DOCK4: variants seen among roughly 807,000 people sequenced by gnomAD.
DOCK4 encodes dedicator of cytokinesis 4.
A neutral mutation model predicts 268.1 loss-of-function variants in DOCK4; 97 were observed. The ratio of observed to expected loss-of-function variants is 0.36; its 90% CI spans 0.31 to 0.43. The LOEUF (loss-of-function observed/expected upper bound fraction) is 0.43, where lower values mean the gene tolerates loss of function less well. Among genes scored for constraint, DOCK4 ranks in the 20% least tolerant of loss-of-function variants. The probability of loss-of-function intolerance (pLI) is 1.00; values close to 1 mark genes in which losing one functional copy is unlikely to be tolerated. For missense variants in DOCK4, 2,145 were observed against 2,455.7 expected (o/e 0.87, Z 2.67); for synonymous variants, 954 against 887.2 (o/e 1.08, Z -1.34).
At chr7:112,158,385 CA>C (rs1816806138) in intron 1 of DOCK4, among the ~76,000 whole-genome samples, 1 of 152,162 alleles carries the variant, frequency 6.6e-6, no homozygotes, top group South Asian at 2.1e-4. Flanking sequence ...ATAGACACAA[CA>C]GTAAATTTAG....
At chr7:111,796,811 T>C (rs1799926953) in intron 30 of DOCK4, among the ~76,000 whole-genome samples, 1 of 152,080 alleles carries the variant, frequency 6.6e-6, no homozygotes, top group African/African-American at 2.4e-5. Context: ...AAAGGGGGAA[T>C]CATACAAGGT....
At chr7:112,148,924 C>T (rs955621304) in intron 1 of DOCK4, among the ~76,000 whole-genome samples, 10 of 152,152 alleles carry the variant, frequency 6.6e-5, no homozygotes, top group Non-Finnish European at 1.5e-4. Flanking sequence ...TTTGTGGCTA[C>T]GATAATGCGC....
At chr7:111,941,000 C>A (rs1238725454) in intron 10 of DOCK4, among the ~76,000 whole-genome samples, 1 of 152,090 alleles carries the variant, frequency 6.6e-6, no homozygotes, top group Non-Finnish European at 1.5e-5. Context: ...TCTATCTGAG[C>A]AAAATTCTCC....
chr7:111,774,366 T>A (rs1437085774), intron 36 of DOCK4, among the ~76,000 whole-genome samples: 1 of 151,674 alleles, frequency 6.6e-6, no homozygotes, highest in African/African-American at 2.4e-5. Context: ...TGCTCAGGAG[T>A]CTGAGGCAGG....
In DOCK4 at chr7:111,863,397, C is replaced by T. The variant is rs939609236; in HGVS notation, c.2448G>A (p.Val816=). 1 of 1,613,870 alleles carries T rather than the reference C, an allele frequency of 6.2e-7. No homozygotes were observed. Among genetic ancestry groups the T allele is most frequent in the African/African-American group, 1.3e-5 (1 of 74,908 alleles). ...AIKLQCIGKT[V]ESQLYTNPDS... The stretch of plus-strand genomic sequence containing the variant: ...CTGGGTTGGTATAAAGCTGGCTTTC[C>T]ACGGTTTTGCCAATGCACTGCAGTT... Residue 816 remains valine (V), a synonymous_variant, in exon 23 of 53, where the codon GTG becomes GTA. Coordinates refer to ENST00000428084, the MANE Select transcript of DOCK4 (RefSeq NM_001363540.2).
intron 28 of DOCK4, among the ~76,000 whole-genome samples, chr7:111,810,504 G>C (rs1179936068): frequency 6.6e-6 from 1 of 151,784 alleles, no homozygotes; most frequent in African/African-American, 2.4e-5. Context: ...ACAAAAATAT[G>C]AATTTTGATC....
At chr7:112,180,437 GC>G (rs1477473918) in intron 1 of DOCK4, among the ~76,000 whole-genome samples, 1 of 152,190 alleles carries the variant, frequency 6.6e-6, no homozygotes, top group African/African-American at 2.4e-5. Flanking sequence ...GGCAGATCAG[GC>G]TGCAATTCTC....
At chr7:112,159,737 G>A (rs987765014) in intron 1 of DOCK4, among the ~76,000 whole-genome samples, 2 of 148,876 alleles carry the variant, frequency 1.3e-5, no homozygotes, top group African/African-American at 2.6e-5. Flanking sequence ...ACAATTTGGG[G>A]TAACTGCATA....
chr7:112,053,925 C>T (rs886269998), intron 1 of DOCK4, among the ~76,000 whole-genome samples: 1 of 152,162 alleles, frequency 6.6e-6, no homozygotes, highest in African/African-American at 2.4e-5. Context: ...CAACAAATGT[C>T]CAGGAGGTCT....
intron 15 of DOCK4, among the ~76,000 whole-genome samples, chr7:111,898,191 C>G (rs940821118): frequency 4.6e-5 from 7 of 152,202 alleles, no homozygotes; most frequent in African/African-American, 1.7e-4. Flanking sequence ...AGATCTGGCA[C>G]CTCTGCTACC....
At chr7:111,963,399 C>T (rs963552323) in intron 8 of DOCK4, among the ~76,000 whole-genome samples, 11 of 126,568 alleles carry the variant, frequency 8.7e-5, no homozygotes, top group South Asian at 2.6e-4. Context: ...ACCTGGGAAG[C>T]GCAAGGGGTC....
intron 36 of DOCK4, among the ~76,000 whole-genome samples, chr7:111,770,061 G>A (rs764922059): frequency 5.3e-5 from 8 of 151,928 alleles, no homozygotes; most frequent in Non-Finnish European, 1.0e-4. Flanking sequence ...TAAGTTCCTT[G>A]GGGACTATGA....
chr7:111,739,491 G>T lies in DOCK4; in HGVS notation c.5041-14C>A, dbSNP rs1234024892. On this transcript the variant is annotated splice_polypyrimidine_tract_variant and intron_variant, in intron 47 of 52. Coordinates refer to ENST00000428084, the MANE Select transcript of DOCK4 (RefSeq NM_001363540.2). ...AGATGGACTTGGCTGGAAACACACA[G>T]GGAGCTATTATCATACCCTGATTAA... is the stretch of plus-strand genomic sequence containing the variant. 3.9e-6 allele frequency: 6 copies of T among 1,556,866 alleles called. No homozygotes were observed. Among genetic ancestry groups the T allele is most frequent in the East Asian group, 2.4e-5 (1 of 41,546 alleles).
At chr7:112,145,958 G>A (rs10266737) in intron 1 of DOCK4, among the ~76,000 whole-genome samples, 40,460 of 152,060 alleles carry the variant, frequency 0.27, 5,814 homozygotes, top group East Asian at 0.48. Context: ...GTGCTTATAT[G>A]TTTGTTTGTG....
chr7:111,868,432 C>T (rs990817305), intron 21 of DOCK4, among the ~76,000 whole-genome samples: 8 of 152,024 alleles, frequency 5.3e-5, no homozygotes, highest in Non-Finnish European at 1.2e-4. Flanking sequence ...ACACTTTAGC[C>T]GGGCACGGTG....
intron 8 of DOCK4, among the ~76,000 whole-genome samples, chr7:111,974,609 G>A (rs1420491040): frequency 6.7e-6 from 1 of 149,466 alleles, no homozygotes; most frequent in Non-Finnish European, 1.5e-5. Flanking sequence ...TGACAAAAGG[G>A]GAGGGTGAAG....
intron 26 of DOCK4, among the ~76,000 whole-genome samples, chr7:111,828,460 A>G (rs913153539): frequency 6.6e-6 from 1 of 152,210 alleles, no homozygotes; most frequent in Non-Finnish European, 1.5e-5. Context: ...ATTCATTTTG[A>G]TTTATAGAAC....
rs73715492 is a variant in DOCK4, at chr7:112,171,804, G to A, written c.37+34298C>T. ...GGCTGCCATAACAAAATACCAGACT[G>A]GGTGGCTTATGCAACTGAAATTTAT... On this transcript the variant is annotated intron_variant, in intron 1 of 52. Coordinates refer to ENST00000428084, the MANE Select transcript of DOCK4 (RefSeq NM_001363540.2). Among the ~76,000 whole-genome samples the A allele has an allele frequency of 2.6e-3, 395 of 152,314 alleles. 3 individuals carry two copies. Among genetic ancestry groups the A allele is most frequent in the African/African-American group, 8.9e-3 (370 of 41,570 alleles).
At chr7:112,013,094 G>A (rs1254127031) in intron 1 of DOCK4, among the ~76,000 whole-genome samples, 1 of 152,090 alleles carries the variant, frequency 6.6e-6, no homozygotes, top group Non-Finnish European at 1.5e-5. Context: ...CTTCTATAAC[G>A]TTCTCTCCAG....
Sources: gnomAD v4.1 joint callset for allele counts (sites outside exome capture counted in the v4.1 genomes callset) on GRCh38, gnomAD v4.1.1 for gene constraint, MANE v1.5 for transcripts, NCBI Gene and HGNC (gene_info 2026-07-23, HGNC 2026-07-21) for gene names.